Variants in NTM observed in about 807,000 individuals in gnomAD.
NTM encodes the protein neurotrimin.
Under a neutral mutation model 42.1 loss-of-function variants are expected in NTM, and 13 were observed. That is an observed-to-expected ratio of 0.31 (90% CI 0.20 to 0.49). The LOEUF is 0.49. Ranked by LOEUF, NTM falls within the 20% of genes least tolerant of loss-of-function variation. The pLI is 0.99. For missense variants in NTM, 373 were observed against 452.8 expected (o/e 0.82, Z 1.60); for synonymous variants, 187 against 179.2 (o/e 1.04, Z -0.35).
rs182858433 is a variant in NTM at position 131,720,689 on chromosome 11, T to C, written c.83-190875T>C. 4.6e-5 allele frequency among the ~76,000 whole-genome samples: 7 copies of C among 152,304 alleles called. No individual in the cohort carries two copies. In the East Asian group the frequency reaches 1.4e-3, roughly 29 times the overall value. ...AATTTAGCATTATACTGACTTCCAT[T>C]AGGCTAATGGACTATTTTGGCTCCA... On this transcript the variant is annotated intron_variant, in intron 1 of 8. Transcript: ENST00000683400.
At chr11:131,409,537 T>C in intron 1 of NTM, among the ~76,000 whole-genome samples, 1 of 152,220 alleles carries the variant, frequency 6.6e-6, no homozygotes, top group Non-Finnish European at 1.5e-5. Context: ...CCTGGCCCTT[T>C]CAGCTTCTCT....
chr11:131,731,007 G>A (rs926310688), intron 1 of NTM, among the ~76,000 whole-genome samples: 1 of 152,130 alleles, frequency 6.6e-6, no homozygotes, highest in Non-Finnish European at 1.5e-5. Context: ...CTACGAGGCT[G>A]CTTTTTTTTC....
intron 1 of NTM, among the ~76,000 whole-genome samples, chr11:131,696,259 C>T (rs958263839): frequency 6.6e-5 from 10 of 152,066 alleles, no homozygotes; most frequent in Non-Finnish European, 1.0e-4. Flanking sequence ...AGGACGCACC[C>T]GGGGAGGCCA....
intron 6 of NTM, among the ~76,000 whole-genome samples, chr11:132,310,568 A>AT (rs918345716): frequency 3.3e-5 from 5 of 152,034 alleles, no homozygotes; most frequent in Admixed American, 2.6e-4. Context: ...GCCTGAAGCT[A>AT]TTTTTACCAC....
intron 2 of NTM, among the ~76,000 whole-genome samples, chr11:132,138,683 G>A (rs1470720149): frequency 6.6e-6 from 1 of 151,950 alleles, no homozygotes; most frequent in African/African-American, 2.4e-5. Flanking sequence ...TTCAGTCTCA[G>A]TCCAAAGGCC....
intron 1 of NTM, among the ~76,000 whole-genome samples, chr11:131,584,608 G>A (rs1486955808): frequency 1.3e-5 from 2 of 152,184 alleles, no homozygotes; most frequent in Non-Finnish European, 1.5e-5. Flanking sequence ...AGTAACGAGC[G>A]TGTATTTGTT....
chr11:131,650,061 T>C (rs1340437241), intron 1 of NTM, among the ~76,000 whole-genome samples: 1 of 152,136 alleles, frequency 6.6e-6, no homozygotes, highest in Non-Finnish European at 1.5e-5. Flanking sequence ...TCTCACTGCC[T>C]CTGGTTTCTG....
chr11:132,313,378 ATCTGCTTGCTACAAGCTGT>A (rs1455331225), intron 6 of NTM, among the ~76,000 whole-genome samples: 6 of 152,030 alleles, frequency 3.9e-5, no homozygotes, highest in Non-Finnish European at 7.4e-5. Flanking sequence ...CCATGTTATT[ATCTGCTTGCTACAAGCTGT>A]GCTCCAGCCA....
At chr11:132,297,697 T>G (rs1306003623) in intron 4 of NTM, among the ~76,000 whole-genome samples, 1 of 152,130 alleles carries the variant, frequency 6.6e-6, no homozygotes, top group Non-Finnish European at 1.5e-5. Flanking sequence ...TCATCTACAT[T>G]TTTGCGGGCT....
intron 1 of NTM, among the ~76,000 whole-genome samples, chr11:131,484,524 G>A (rs1056551897): frequency 6.6e-6 from 1 of 152,154 alleles, no homozygotes; most frequent in Non-Finnish European, 1.5e-5. Flanking sequence ...ACAGCTGAGG[G>A]GGCTGAGGCA....
intron 1 of NTM, among the ~76,000 whole-genome samples, chr11:131,789,838 C>T (rs1030989921): frequency 2.7e-5 from 4 of 150,580 alleles, no homozygotes; most frequent in African/African-American, 7.3e-5. Flanking sequence ...AGCCTGTAGT[C>T]CCAGCTACAC....
chr11:131,447,101 T>C (rs1454511819), intron 1 of NTM, among the ~76,000 whole-genome samples: 3 of 152,238 alleles, frequency 2.0e-5, no homozygotes, highest in African/African-American at 7.2e-5. Flanking sequence ...CTTATTAGCA[T>C]GGGTCATTGA....
intron 1 of NTM, among the ~76,000 whole-genome samples, chr11:131,457,361 G>A (rs1009125176): frequency 3.3e-5 from 5 of 152,122 alleles, no homozygotes; most frequent in African/African-American, 1.2e-4. Context: ...GTAGAGAGGT[G>A]AGCACAAGCC....
chr11:131,943,616 C>T (rs1422469538), intron 2 of NTM, among the ~76,000 whole-genome samples: 3 of 152,168 alleles, frequency 2.0e-5, no homozygotes, highest in Admixed American at 6.5e-5. Flanking sequence ...TTTTTCCCTT[C>T]ACTCTCTGAG....
At chr11:131,852,227 G>A (rs1321716101) in intron 1 of NTM, among the ~76,000 whole-genome samples, 1 of 152,112 alleles carries the variant, frequency 6.6e-6, no homozygotes, top group Non-Finnish European at 1.5e-5. Flanking sequence ...TTCAAACAAG[G>A]GGAGGACAGA....
At position 131,380,759 on chromosome 11, in the gene NTM, T is replaced by G. The variant is rs550614062; in HGVS notation, c.82+9871T>G. 1.4e-3 allele frequency among the ~76,000 whole-genome samples: 206 copies of G among 152,258 alleles called. 1 individual carries two copies. The highest frequency in any genetic ancestry group is 2.3e-3 in the Non-Finnish European group (157 of 68,026). ...AAGGGAGGAAGACCTGAGATCCCAC[T>G]AGGTATTTCAGCTGCCCTGTAACTC... On this transcript the variant is annotated intron_variant, in intron 1 of 8. Coordinates refer to ENST00000683400, the MANE Select transcript of NTM (RefSeq NM_001352005.2).
intron 1 of NTM, among the ~76,000 whole-genome samples, chr11:131,510,816 G>A (rs907989492): frequency 6.6e-6 from 1 of 152,118 alleles, no homozygotes; most frequent in African/African-American, 2.4e-5. Context: ...TGGGGGTGCT[G>A]GTGCAGAGCT....
intron 2 of NTM, among the ~76,000 whole-genome samples, chr11:131,947,160 A>T (rs1331276715): frequency 6.6e-6 from 1 of 152,144 alleles, no homozygotes; most frequent in Admixed American, 6.5e-5. Context: ...TTTAATTATG[A>T]AGTTTAGCAT....
intron 1 of NTM, among the ~76,000 whole-genome samples, chr11:131,488,388 C>T (rs1349895867): frequency 6.6e-6 from 1 of 152,182 alleles, no homozygotes; most frequent in African/African-American, 2.4e-5. Context: ...GATCTCTGCA[C>T]ATGATCTTGT....
Sources: gnomAD v4.1 joint callset for allele counts (sites outside exome capture counted in the v4.1 genomes callset) on GRCh38, gnomAD v4.1.1 for gene constraint, MANE v1.5 for transcripts, NCBI Gene and HGNC (gene_info 2026-07-23, HGNC 2026-07-21) for gene names.